Variants in MRAP2 observed in about 807,000 individuals in gnomAD.
MRAP2 encodes melanocortin-2 receptor accessory protein 2.
MRAP2 carries 20 observed loss-of-function variants against 17.4 expected under a neutral mutation model. The observed-to-expected ratio is 1.15, with a 90% CI of 0.81 to 1.67. The LOEUF (loss-of-function observed/expected upper bound fraction) is 1.67, where lower values mean the gene tolerates loss of function less well. MRAP2 is among the 40% of genes most tolerant of loss of function. The pLI is 0.00. For synonymous variants in MRAP2, 96 were observed against 88.4 expected (o/e 1.09, Z -0.48); for missense variants, 238 against 240.0 (o/e 0.99, Z 0.05).
chr6:84,125,120 C>T, the MRAP2 span: 1 of 1,613,394 alleles, frequency 6.2e-7, no homozygotes. Flanking sequence ...GGCACAACCA[C>T]TCCTTGCCGG....
chr6:84,036,395 C>T (rs1356200939), intron 1 of MRAP2, among the ~76,000 whole-genome samples: 1 of 152,134 alleles, frequency 6.6e-6, no homozygotes, highest in Non-Finnish European at 1.5e-5. Context: ...TTCTTGGTCT[C>T]ACTGACTTCA....
chr6:84,092,920 A>G (rs1562896452), downstream of MRAP2, among the ~76,000 whole-genome samples: 1 of 152,234 alleles, frequency 6.6e-6, no homozygotes, highest in Admixed American at 6.5e-5. Flanking sequence ...ATCAGTCCCC[A>G]AAATAACAAA....
intron 3 of MRAP2, among the ~76,000 whole-genome samples, chr6:84,081,554 C>A: frequency 6.6e-6 from 1 of 152,220 alleles, no homozygotes; most frequent in Non-Finnish European, 1.5e-5. Context: ...CACAGTGGCT[C>A]ATGCCTATAA....
intron 1 of MRAP2, among the ~76,000 whole-genome samples, chr6:84,046,544 G>C (rs1275922462): frequency 6.6e-6 from 1 of 152,018 alleles, no homozygotes; most frequent in Non-Finnish European, 1.5e-5. Flanking sequence ...CACTTTGGGA[G>C]GCCAAGGCAG....
intron 3 of MRAP2, 109 bp from the exon 4 acceptor site, chr6:84,088,982 A>G (rs2099501156): frequency 5.7e-6 from 7 of 1,227,768 alleles, no homozygotes; most frequent in Admixed American, 2.4e-5. Context: ...CTTACACTCA[A>G]TAGGTGCTTA....
At chr6:84,115,145 A>G in the MRAP2 span, among the ~76,000 whole-genome samples, 1 of 152,142 alleles carries the variant, frequency 6.6e-6, no homozygotes, top group South Asian at 2.1e-4. Flanking sequence ...TCAGGGAGGG[A>G]CATTTAAGTC....
chr6:84,083,618 T>C (rs1181244274), intron 3 of MRAP2, among the ~76,000 whole-genome samples: 1 of 152,166 alleles, frequency 6.6e-6, no homozygotes, highest in African/African-American at 2.4e-5. Context: ...GCTGACAATT[T>C]TGAAGACCTC....
At chr6:84,095,674 A>G (rs1002463730), downstream of MRAP2, among the ~76,000 whole-genome samples, 1 of 152,210 alleles carries the variant, frequency 6.6e-6, no homozygotes, top group Non-Finnish European at 1.5e-5. Flanking sequence ...TGGTAGAACA[A>G]TAATCCATCC....
At chr6:84,130,687 T>A in the MRAP2 span, among the ~76,000 whole-genome samples, 7 of 152,234 alleles carry the variant, frequency 4.6e-5, no homozygotes, top group Non-Finnish European at 8.8e-5. Flanking sequence ...TGTATTTCTG[T>A]GGGATCGGTG....
chr6:84,063,433 C>G (rs879464015), intron 3 of MRAP2: 280 of 982,884 alleles, frequency 2.8e-4, no homozygotes, highest in Non-Finnish European at 3.4e-4. Flanking sequence ...ATACTCAACT[C>G]AATTTAACTA....
At chr6:84,080,430 T>G (rs1188786634) in intron 3 of MRAP2, among the ~76,000 whole-genome samples, 1 of 152,224 alleles carries the variant, frequency 6.6e-6, no homozygotes, top group African/African-American at 2.4e-5. Flanking sequence ...TCATCACTGA[T>G]GAATCATCCC....
At chr6:84,071,475 A>C (rs911042406) in intron 3 of MRAP2, among the ~76,000 whole-genome samples, 1 of 152,148 alleles carries the variant, frequency 6.6e-6, no homozygotes, top group African/African-American at 2.4e-5. Flanking sequence ...TTTTTCCTTT[A>C]TAGGTTACCT....
intron 3 of MRAP2, among the ~76,000 whole-genome samples, chr6:84,084,294 C>T (rs1268848839): frequency 6.6e-6 from 1 of 151,874 alleles, no homozygotes; most frequent in Admixed American, 6.6e-5. Flanking sequence ...TTTTTTCCAG[C>T]TTTTTCTAGT....
chr6:84,052,810 C>T, intron 1 of MRAP2: 1 of 985,116 alleles, frequency 1.0e-6, no homozygotes, highest in Non-Finnish European at 1.2e-6. Context: ...TCATTCTTGT[C>T]TCTCAGTGTT....
At chr6:84,091,813 C>T (rs1218692845), downstream of MRAP2, among the ~76,000 whole-genome samples, 1 of 152,154 alleles carries the variant, frequency 6.6e-6, no homozygotes, top group Non-Finnish European at 1.5e-5. Flanking sequence ...ACACAAGAGT[C>T]TTGGGTCAGA....
chr6:84,068,784 CTTTTTTT>C (rs34220070), intron 3 of MRAP2, among the ~76,000 whole-genome samples: 10 of 55,196 alleles, frequency 1.8e-4, no homozygotes, highest in South Asian at 7.1e-4. Context: ...TTGCTGAATT[CTTTTTTT>C]TTTTTTTTTT....
At chr6:84,088,736 G>A (rs1245080731) in intron 3 of MRAP2, among the ~76,000 whole-genome samples, 4 of 152,156 alleles carry the variant, frequency 2.6e-5, no homozygotes, top group Admixed American at 2.6e-4. Flanking sequence ...GAGGGTCTGT[G>A]ACCCAGGAAT....
chr6:84,045,312 T>A lies in MRAP2; in HGVS notation c.-7-10000T>A, dbSNP rs1057254921. ...AGCTGTCAGGTACAGCTGATGAGGC[T>A]GCGAGGGCAGAGATCCAAATCTGCA... On this transcript the variant is annotated intron_variant, in intron 1 of 3. Transcript: ENST00000257776. 3.0e-6 allele frequency: 3 copies of A among 985,300 alleles called. No individual in the cohort carries two copies. The African/African-American group carries it at 5.2e-5, about 17-fold the overall frequency. 61.0% of individuals were successfully genotyped at this position (985,300 alleles called of 1,614,324 possible).
At chr6:84,128,158 C>A in the MRAP2 span, among the ~76,000 whole-genome samples, 1 of 152,142 alleles carries the variant, frequency 6.6e-6, no homozygotes, top group Non-Finnish European at 1.5e-5. Flanking sequence ...ATTAATTAGT[C>A]CATTCACCTT....
Sources: allele counts gnomAD v4.1 joint callset (sites outside exome capture counted in the v4.1 genomes callset), GRCh38; gene constraint gnomAD v4.1.1; transcripts MANE v1.5; gene names NCBI Gene and HGNC (gene_info 2026-07-23, HGNC 2026-07-21).